MRPL1: variants seen among roughly 807,000 people sequenced by gnomAD.
MRPL1 encodes the protein mitochondrial ribosomal protein L1.
Under a neutral mutation model 38.0 loss-of-function variants are expected in MRPL1, and 28 were observed. The ratio of observed to expected loss-of-function variants is 0.74; its 90% CI spans 0.55 to 1.01. The LOEUF is 1.01. Ranked by LOEUF, MRPL1 falls within the 50% of genes least tolerant of loss-of-function variation. The pLI is 0.00. For missense variants in MRPL1, 358 were observed against 389.8 expected (o/e 0.92, Z 0.69); for synonymous variants, 123 against 126.7 (o/e 0.97, Z 0.20).
chr4:77,867,748 T>C (rs887225805), intron 1 of MRPL1, among the ~76,000 whole-genome samples: 1 of 30,626 alleles, frequency 3.3e-5, no homozygotes, highest in Non-Finnish European at 7.8e-5. Context: ...AGTTATTTCT[T>C]TTTTTTTTTT....
Position 77,925,323 on chromosome 4 carries a change from T to C in MRPL1, c.777+15951T>C, listed in dbSNP as rs557878757. Among the ~76,000 whole-genome samples, 4 of 151,850 alleles carry C rather than the reference T, an allele frequency of 2.6e-5. No individual in the cohort carries two copies. In the South Asian group the frequency reaches 6.2e-4, roughly 24 times the overall value. On this transcript the variant is annotated intron_variant, in intron 7 of 8. Transcript: ENST00000315567. ...AACTGTGAATAGATTTATAGAGATA[T>C]AATTAAGTACTTTTTTTTTTTTGTT...
intron 8 of MRPL1, among the ~76,000 whole-genome samples, chr4:77,950,323 T>C (rs1737377474): frequency 6.6e-6 from 1 of 152,214 alleles, no homozygotes; most frequent in Admixed American, 6.5e-5. Context: ...TATTATGTCA[T>C]GAGAGTCATT....
rs139206945 is a variant in MRPL1, at chr4:77,922,696, A to G, written c.777+13324A>G. 2.0e-5 allele frequency among the ~76,000 whole-genome samples: 3 copies of G among 152,356 alleles called. No individual in the cohort carries two copies. In the East Asian group the frequency reaches 5.8e-4, roughly 29 times the overall value. On this transcript the variant is annotated intron_variant, in intron 7 of 8. Transcript: ENST00000315567. ...ATTGAATGGATATGAGGTGTGATAG[A>G]AAGTGAAGAGAGCCAAGAATGGTTG...
At chr4:77,871,494 C>T (rs550666093) in intron 1 of MRPL1, among the ~76,000 whole-genome samples, 33 of 151,840 alleles carry the variant, frequency 2.2e-4, no homozygotes, top group African/African-American at 4.1e-4. Flanking sequence ...TTAGTAGAGA[C>T]GGGGTTTCAC....
intron 8 of MRPL1, among the ~76,000 whole-genome samples, chr4:77,950,286 T>C (rs1163350499): frequency 6.6e-6 from 1 of 152,238 alleles, no homozygotes; most frequent in Non-Finnish European, 1.5e-5. Context: ...CTTATTTATT[T>C]ATTACAGGAC....
At chr4:77,875,521 G>A (rs1735369695) in intron 2 of MRPL1, among the ~76,000 whole-genome samples, 1 of 152,030 alleles carries the variant, frequency 6.6e-6, no homozygotes, top group African/African-American at 2.4e-5. Flanking sequence ...GCTTGGTGGT[G>A]CATGCCTGTA....
intron 7 of MRPL1, 45 bp from the exon 8 acceptor site, chr4:77,949,752 T>G (rs1266218875): frequency 7.9e-7 from 1 of 1,262,734 alleles, no homozygotes; most frequent in African/African-American, 1.5e-5. Flanking sequence ...TTTATTATCT[T>G]CTTGCTTTCT....
chr4:77,924,497 C>T (rs534084308), intron 7 of MRPL1, among the ~76,000 whole-genome samples: 15 of 152,158 alleles, frequency 9.9e-5, no homozygotes, highest in Admixed American at 5.2e-4. Flanking sequence ...TTCACGGCTC[C>T]GCTCAAATAC....
chr4:77,881,026 G>C (rs905179078), intron 2 of MRPL1, among the ~76,000 whole-genome samples: 1 of 152,166 alleles, frequency 6.6e-6, no homozygotes, highest in African/African-American at 2.4e-5. Context: ...CTAATGAAAA[G>C]GCAGAAATGC....
At chr4:77,889,866 A>C (rs1735769125) in intron 5 of MRPL1, among the ~76,000 whole-genome samples, 1 of 152,216 alleles carries the variant, frequency 6.6e-6, no homozygotes, top group Non-Finnish European at 1.5e-5. Flanking sequence ...ACGCAAATAA[A>C]CTAGAAAATC....
At chr4:77,945,061 A>G (rs1737223130) in intron 7 of MRPL1, among the ~76,000 whole-genome samples, 1 of 149,624 alleles carries the variant, frequency 6.7e-6, no homozygotes, top group South Asian at 2.1e-4. Flanking sequence ...GAAATGAATA[A>G]GAATATCTAT....
chr4:77,948,985 G>A (rs1318357658), intron 7 of MRPL1, among the ~76,000 whole-genome samples: 1 of 152,150 alleles, frequency 6.6e-6, no homozygotes, highest in Non-Finnish European at 1.5e-5. Flanking sequence ...TGGCCAGGCA[G>A]GTCTCAAACT....
At chr4:77,884,805 G>T (rs1735635447) in intron 3 of MRPL1, among the ~76,000 whole-genome samples, 1 of 152,184 alleles carries the variant, frequency 6.6e-6, no homozygotes. Context: ...CCCTGATGGT[G>T]TCAGAAGATT....
At chr4:77,909,022 G>T (rs1239778487) in intron 6 of MRPL1, among the ~76,000 whole-genome samples, 1 of 152,176 alleles carries the variant, frequency 6.6e-6, no homozygotes, top group Non-Finnish European at 1.5e-5. Flanking sequence ...TTCAAGACAG[G>T]CATTATAGCT....
Position 77,909,312 on chromosome 4 carries a change from TG to T in MRPL1, c.719del (p.Gly240AspfsTer6), listed in dbSNP as rs777270862. On this transcript the variant is annotated frameshift_variant, in exon 7 of 9. Coordinates refer to ENST00000315567, the MANE Select transcript of MRPL1 (RefSeq NM_020236.4). LOFTEE classifies it high-confidence loss of function. ...IPKMLELFKN[G>X]HEIKVDEERE... ...CCAAAATGCTTGAATTATTTAAAAA[TG>T]GACATGAAATTAAGGTAGATGAAGA... The T allele has an allele frequency of 6.2e-7, 1 of 1,612,168 alleles. No individual in the cohort carries two copies. Among genetic ancestry groups the T allele is most frequent in the East Asian group, 2.2e-5 (1 of 44,724 alleles).
At chr4:77,925,732 T>C (rs1054563391) in intron 7 of MRPL1, among the ~76,000 whole-genome samples, 1 of 152,022 alleles carries the variant, frequency 6.6e-6, no homozygotes, top group Admixed American at 6.6e-5. Context: ...TGCATCACCA[T>C]GTTTTGATTC....
At chr4:77,948,128 A>G (rs564101424) in intron 7 of MRPL1, among the ~76,000 whole-genome samples, 42 of 152,344 alleles carry the variant, frequency 2.8e-4, no homozygotes, top group Middle Eastern at 3.4e-3. Context: ...AATATAGATT[A>G]TAACTGTTTA....
chr4:77,907,814 A>G (rs1368434341), intron 6 of MRPL1, among the ~76,000 whole-genome samples: 1 of 150,800 alleles, frequency 6.6e-6, no homozygotes, highest in Non-Finnish European at 1.5e-5. Flanking sequence ...TCTGCCCACC[A>G]CGGCCTCCCA....
intron 8 of MRPL1, among the ~76,000 whole-genome samples, chr4:77,950,510 C>T (rs972909234): frequency 6.6e-6 from 1 of 152,202 alleles, no homozygotes; most frequent in Non-Finnish European, 1.5e-5. Flanking sequence ...CCATTATACT[C>T]AATTGACTAC....
Sources: gnomAD v4.1 joint callset for allele counts (sites outside exome capture counted in the v4.1 genomes callset) on GRCh38, gnomAD v4.1.1 for gene constraint, MANE v1.5 for transcripts, NCBI Gene and HGNC (gene_info 2026-07-23, HGNC 2026-07-21) for gene names.